The following MYO18B variants were observed in gnomAD, a reference collection of about 807,000 sequenced individuals.
The protein encoded by MYO18B is unconventional myosin-XVIIIb.
MYO18B carries 204 observed loss-of-function variants against 273.0 expected under a neutral mutation model. The observed-to-expected ratio is 0.75, with a 90% CI of 0.67 to 0.84. MYO18B has a LOEUF of 0.84. MYO18B is among the 40% of genes least tolerant of loss of function. The probability of loss-of-function intolerance (pLI) is 0.00; values close to 1 mark genes in which losing one functional copy is unlikely to be tolerated. For missense variants in MYO18B, 3,212 were observed against 3,287.6 expected (o/e 0.98, Z 0.56); for synonymous variants, 1,330 against 1,305.7 (o/e 1.02, Z -0.40).
chr22:25,925,048 A>T (rs1330719378), intron 34 of MYO18B, among the ~76,000 whole-genome samples: 1 of 152,228 alleles, frequency 6.6e-6, no homozygotes, highest in African/African-American at 2.4e-5. Context: ...AAGGGCACAC[A>T]GCAATACATG....
At chr22:25,865,250 C>T (rs1346170532) in intron 21 of MYO18B, among the ~76,000 whole-genome samples, 2 of 152,216 alleles carry the variant, frequency 1.3e-5, no homozygotes, top group Non-Finnish European at 2.9e-5. Flanking sequence ...CACTTACCCA[C>T]TCATGCCACT....
chr22:25,809,094 C>T (rs2088616435), intron 12 of MYO18B, among the ~76,000 whole-genome samples: 1 of 152,106 alleles, frequency 6.6e-6, no homozygotes, highest in Non-Finnish European at 1.5e-5. Context: ...AGGTACCTGC[C>T]ACCACACCCA....
chr22:25,760,434 A>ACAAAAAAAAAAAAAAAAC (rs1555883283), intron 1 of MYO18B, among the ~76,000 whole-genome samples: 1 of 111,530 alleles, frequency 9.0e-6, no homozygotes, highest in African/African-American at 3.5e-5. Context: ...AAAAAAAAAA[A>ACAAAAAAAAAAAAAAAAC]CACAAAAACA....
At chr22:25,905,408 A>G (rs1296072409) in intron 31 of MYO18B, among the ~76,000 whole-genome samples, 1 of 152,224 alleles carries the variant, frequency 6.6e-6, no homozygotes, top group Non-Finnish European at 1.5e-5. Flanking sequence ...AATTGCAAAT[A>G]AGACAGACAC....
intron 12 of MYO18B, among the ~76,000 whole-genome samples, chr22:25,805,698 G>C (rs1601749811): frequency 6.6e-6 from 1 of 152,190 alleles, no homozygotes; most frequent in Admixed American, 6.5e-5. Context: ...CAGCTGGTCT[G>C]GTCCCTGCCC....
chr22:26,047,125 A>ATT, the MYO18B span, among the ~76,000 whole-genome samples: 2,857 of 134,806 alleles, frequency 0.021, 96 homozygotes, highest in African/African-American at 0.071. Context: ...TAGTTGGCCC[A>ATT]TTTTTTTTTT....
At chr22:25,840,003 A>G (rs1321624883) in intron 17 of MYO18B, among the ~76,000 whole-genome samples, 1 of 152,032 alleles carries the variant, frequency 6.6e-6, no homozygotes, top group African/African-American at 2.4e-5. Flanking sequence ...CACCCTTTAG[A>G]TACCTTCCCT....
intron 34 of MYO18B, among the ~76,000 whole-genome samples, chr22:25,924,347 A>G (rs1387351386): frequency 3.3e-5 from 5 of 152,210 alleles, no homozygotes; most frequent in Admixed American, 3.3e-4. Context: ...GTGCTGAACA[A>G]TTTCATTCAT....
At position 26,027,643 on chromosome 22, in the gene MYO18B, GT is replaced by G; in HGVS notation, c.7671del (p.Ala2558ArgfsTer3). On this transcript the variant is annotated frameshift_variant, in exon 43 of 44. Transcript: ENST00000335473. LOFTEE classifies it low-confidence loss of function (END_TRUNC). The surrounding 1 kb of genome is among the most constrained non-coding windows in gnomAD (Gnocchi z 4.1). Reference protein sequence around the residue: ...EPGTGRKDDDVASIMKKYLQK With the variant: ...EPGTGRKDDDXASIMKKYLQK The stretch of plus-strand genomic sequence containing the variant: ...AGGGACGGGGAGGAAAGACGACGAT[GT>G]TGCGAGCATAATGAAGAAATACCTC... 1 of 1,613,628 alleles carries G rather than the reference GT, an allele frequency of 6.2e-7. No homozygotes were observed. Among genetic ancestry groups the G allele is most frequent in the Non-Finnish European group, 8.5e-7 (1 of 1,179,704 alleles).
chr22:25,998,465 C>T (rs778386462), intron 40 of MYO18B, among the ~76,000 whole-genome samples: 2 of 152,150 alleles, frequency 1.3e-5, no homozygotes, highest in African/African-American at 2.4e-5. Flanking sequence ...CAATCTGAGA[C>T]GAATGCTCTG....
rs1421337628 is a variant in MYO18B, at chr22:25,847,464, T to G, written c.3587T>G (p.Leu1196Arg). The G allele has an allele frequency of 4.4e-6, 7 of 1,579,432 alleles. No individual in the cohort carries two copies. Among genetic ancestry groups the G allele is most frequent in the Non-Finnish European group, 6.0e-6 (7 of 1,162,340 alleles). Residue 1196 changes from leucine to arginine, a missense_variant, in exon 20 of 44, where the codon CTG becomes CGG. Leu to Arg is a moderately radical substitution (Grantham distance 102, BLOSUM62 -2). Coordinates refer to ENST00000335473, the MANE Select transcript of MYO18B (RefSeq NM_032608.7). ...ALTSMIKRSR[L>R]HFIHCLVPNP... ...ACCAGCATGATCAAAAGGTCCCGGC[T>G]GCACTTTATCCACTGCCTGGTACCA...
chr22:25,938,146 A>G (rs1424264803), intron 34 of MYO18B, among the ~76,000 whole-genome samples: 1 of 152,118 alleles, frequency 6.6e-6, no homozygotes, highest in Non-Finnish European at 1.5e-5. Context: ...CCAGAAATCC[A>G]GGTTCTAACC....
At chr22:26,039,929 A>T in the MYO18B span, among the ~76,000 whole-genome samples, 2 of 152,098 alleles carry the variant, frequency 1.3e-5, no homozygotes, top group East Asian at 3.9e-4. Flanking sequence ...GGCTCAGGTG[A>T]TTCTCCTACC....
chr22:25,875,162 C>T (rs1303165937), intron 23 of MYO18B, among the ~76,000 whole-genome samples: 1 of 152,218 alleles, frequency 6.6e-6, no homozygotes, highest in Admixed American at 6.5e-5. Flanking sequence ...CACTGGCCTT[C>T]TGTGCTCATG....
rs181464276 is a variant in MYO18B, at chr22:25,901,646, C to T, written c.4824-967C>T. The T allele has an allele frequency of 3.3e-5, 5 of 152,128 alleles. No homozygotes were observed. In the East Asian group the frequency reaches 9.7e-4, roughly 29 times the overall value. The allele number at this position is 152,128 out of a possible 1,614,324, so 9.4% of individuals were successfully genotyped here. On this transcript the variant is annotated intron_variant, in intron 29 of 43. Transcript: ENST00000335473. ...TAGTATGGCATATGAGAGTATAAGC[C>T]AGACAATATGTTAAAATATGAAATG...
In MYO18B at chr22:25,952,393, G is replaced by A. The variant is rs1287413055; in HGVS notation, c.5940G>A (p.Glu1980=). The stretch of plus-strand genomic sequence containing the variant: ...TCTGTGACCTAGAGAACAAGACAGA[G>A]TTCCAGAAGGTGCAGATTAAGAGAT... ...AVICDLENKT[E]FQKVQIKRFE... is the part of the protein sequence containing the mutation. Residue 1980 remains glutamate, a synonymous_variant, in exon 38 of 44, where the codon GAG becomes GAA. Coordinates refer to ENST00000335473, the MANE Select transcript of MYO18B (RefSeq NM_032608.7). 3 of 1,613,186 alleles carry A rather than the reference G, an allele frequency of 1.9e-6. No individual in the cohort carries two copies. The highest frequency in any genetic ancestry group is 1.7e-6 in the Non-Finnish European group (2 of 1,179,678).
chr22:26,061,893 C>CAA, the MYO18B span, among the ~76,000 whole-genome samples: 11 of 151,506 alleles, frequency 7.3e-5, no homozygotes, highest in Admixed American at 2.0e-4. Flanking sequence ...TGCTGAAAAA[C>CAA]AAAAAAAATC....
intron 13 of MYO18B, 86 bp from the exon 14 acceptor site, chr22:25,826,323 T>C: frequency 1.1e-6 from 1 of 911,768 alleles, no homozygotes; most frequent in South Asian, 1.7e-5. Flanking sequence ...TTTTCTAAAT[T>C]GAGTGGTCCC....
chr22:25,908,481 G>A (rs1443090507), intron 32 of MYO18B, 49 bp downstream of exon 32: 30 of 1,470,812 alleles, frequency 2.0e-5, no homozygotes, highest in Non-Finnish European at 2.5e-5. Context: ...GGCAGGTCTG[G>A]CATGGATTCC....
Sources: gnomAD v4.1 joint callset for allele counts (sites outside exome capture counted in the v4.1 genomes callset) on GRCh38, gnomAD v4.1.1 for gene constraint, Gnocchi (gnomAD v3.1) non-coding constraint, MANE v1.5 for transcripts, NCBI Gene and HGNC (gene_info 2026-07-23, HGNC 2026-07-21) for gene names.